The following UNC5D variants were observed in gnomAD, a reference collection of about 807,000 sequenced individuals.
UNC5D encodes unc-5 netrin receptor D.
UNC5D carries 39 observed loss-of-function variants against 105.4 expected under a neutral mutation model. The ratio of observed to expected loss-of-function variants is 0.37; its 90% CI spans 0.29 to 0.48. UNC5D has a LOEUF of 0.48. UNC5D is among the 20% of genes least tolerant of loss of function. The probability of loss-of-function intolerance (pLI) is 0.98; values close to 1 mark genes in which losing one functional copy is unlikely to be tolerated. For synonymous variants in UNC5D, 452 were observed against 450.4 expected, an observed-to-expected ratio of 1.00 and a Z score of -0.04; for missense variants, 991 against 1,202.4, an observed-to-expected ratio of 0.82 and a Z score of 2.60.
chr8:35,265,352 A>T (rs1804787199), intron 1 of UNC5D, among the ~76,000 whole-genome samples: 1 of 152,118 alleles, frequency 6.6e-6, no homozygotes, highest in Admixed American at 6.5e-5. Context: ...TCTGTAAAAA[A>T]AGATAGATAG....
intron 1 of UNC5D, among the ~76,000 whole-genome samples, chr8:35,487,369 C>G (rs1409588155): frequency 6.6e-6 from 1 of 152,088 alleles, no homozygotes; most frequent in African/African-American, 2.4e-5. Flanking sequence ...AGGACCTCAT[C>G]CAATCAGTTG....
intron 9 of UNC5D, chr8:35,724,106 G>A (rs1828730959): frequency 7.2e-7 from 1 of 1,387,844 alleles, no homozygotes; most frequent in Admixed American, 3.1e-5. Flanking sequence ...GGCAGCAGGT[G>A]AGAAGGGTGG....
At chr8:35,687,337 G>A (rs1826079163) in intron 7 of UNC5D, among the ~76,000 whole-genome samples, 1 of 151,798 alleles carries the variant, frequency 6.6e-6, no homozygotes, top group Non-Finnish European at 1.5e-5. Flanking sequence ...AGCTACTCAG[G>A]AGGCTGAGGC....
chr8:35,672,435 A>G (rs1439546143), intron 4 of UNC5D, among the ~76,000 whole-genome samples: 4 of 152,212 alleles, frequency 2.6e-5, no homozygotes, highest in African/African-American at 9.6e-5. Flanking sequence ...ATGAAAGGGC[A>G]CATCACACTA....
At chr8:35,310,395 C>T (rs1186613954) in intron 1 of UNC5D, among the ~76,000 whole-genome samples, 4 of 151,944 alleles carry the variant, frequency 2.6e-5, no homozygotes, top group Non-Finnish European at 4.4e-5. Context: ...TGAGGCAGGC[C>T]GATCACTAGA....
chr8:35,506,547 T>A (rs1326926314), intron 1 of UNC5D, among the ~76,000 whole-genome samples: 1 of 152,176 alleles, frequency 6.6e-6, no homozygotes, highest in African/African-American at 2.4e-5. Context: ...AGACAAAGAA[T>A]TTGAGGACTG....
At chr8:35,502,132 C>A (rs1470931964) in intron 1 of UNC5D, among the ~76,000 whole-genome samples, 1 of 152,128 alleles carries the variant, frequency 6.6e-6, no homozygotes, top group African/African-American at 2.4e-5. Context: ...CTCCCATAGC[C>A]AATTATAAAC....
intron 16 of UNC5D, among the ~76,000 whole-genome samples, chr8:35,787,650 C>G (rs1356081376): frequency 6.6e-6 from 1 of 152,194 alleles, no homozygotes; most frequent in African/African-American, 2.4e-5. Context: ...CAGGGTCTCA[C>G]TCTGCTGCCC....
At position 35,599,691 on chromosome 8, in the gene UNC5D, G is replaced by A. The variant is rs1819720512; in HGVS notation, c.570+4034G>A. On this transcript the variant is annotated intron_variant, in intron 4 of 16. Coordinates refer to ENST00000404895, the MANE Select transcript of UNC5D (RefSeq NM_080872.4). ...TGTTTTGTCTTTCTCTCATGATTGGGTACTAACAGGTGAAGAAAACATTCC... is the reference window on the plus strand; with the variant it reads ...TGTTTTGTCTTTCTCTCATGATTGGATACTAACAGGTGAAGAAAACATTCC... Among the ~76,000 whole-genome samples, 4 of 152,082 alleles carry A rather than the reference G, an allele frequency of 2.6e-5. No homozygotes were observed. The South Asian group carries it at 8.3e-4, about 32-fold the overall frequency.
chr8:35,489,373 CCA>C (rs752849500), intron 1 of UNC5D, among the ~76,000 whole-genome samples: 178 of 152,070 alleles, frequency 1.2e-3, no homozygotes, highest in Admixed American at 4.4e-3. Flanking sequence ...GTTCTAACAC[CCA>C]GTGTCTCAGA....
chr8:35,490,073 C>T (rs982599761), intron 1 of UNC5D, among the ~76,000 whole-genome samples: 3 of 152,222 alleles, frequency 2.0e-5, no homozygotes, highest in Admixed American at 6.5e-5. Flanking sequence ...GAAGATATTA[C>T]GTTTGTTGTA....
chr8:35,332,586 A>G (rs1288494331), intron 1 of UNC5D, among the ~76,000 whole-genome samples: 2 of 152,236 alleles, frequency 1.3e-5, no homozygotes, highest in Non-Finnish European at 2.9e-5. Flanking sequence ...TGTGGTTTTT[A>G]AAACATAAAA....
At chr8:35,477,331 A>C (rs1008313273) in intron 1 of UNC5D, among the ~76,000 whole-genome samples, 2 of 149,018 alleles carry the variant, frequency 1.3e-5, no homozygotes, top group Non-Finnish European at 3.0e-5. Context: ...ATAGTATTTT[A>C]TTTTTCTCTT....
intron 1 of UNC5D, among the ~76,000 whole-genome samples, chr8:35,436,586 G>A (rs1413328993): frequency 6.6e-6 from 1 of 152,040 alleles, no homozygotes; most frequent in Non-Finnish European, 1.5e-5. Flanking sequence ...TTGGCATTCA[G>A]TTGGGTCAGT....
At chr8:35,388,403 C>T (rs1013253143) in intron 1 of UNC5D, among the ~76,000 whole-genome samples, 1 of 151,990 alleles carries the variant, frequency 6.6e-6, no homozygotes, top group African/African-American at 2.4e-5. Context: ...GTCTCTTAAC[C>T]AATGGCCCCT....
At chr8:35,593,106 A>T (rs911910563) in intron 3 of UNC5D, among the ~76,000 whole-genome samples, 13 of 151,884 alleles carry the variant, frequency 8.6e-5, no homozygotes, top group African/African-American at 2.7e-4. Flanking sequence ...AATTATACAA[A>T]CGTGTATAAA....
At chr8:35,502,704 G>A (rs1191634675) in intron 1 of UNC5D, among the ~76,000 whole-genome samples, 3 of 151,376 alleles carry the variant, frequency 2.0e-5, no homozygotes, top group Admixed American at 6.6e-5. Flanking sequence ...GACTACAGGT[G>A]CACACCACCA....
At chr8:35,612,254 GCAGTA>G (rs1820733291) in intron 4 of UNC5D, among the ~76,000 whole-genome samples, 1 of 152,334 alleles carries the variant, frequency 6.6e-6, no homozygotes, top group African/African-American at 2.4e-5. Context: ...TTTTGTCAAT[GCAGTA>G]CAGATAAGGA....
At chr8:35,511,619 A>G (rs963877529) in intron 1 of UNC5D, among the ~76,000 whole-genome samples, 1 of 152,132 alleles carries the variant, frequency 6.6e-6, no homozygotes, top group Non-Finnish European at 1.5e-5. Flanking sequence ...AATAAGTGGT[A>G]GGAAGGATCT....
Sources: allele counts gnomAD v4.1 joint callset (sites outside exome capture counted in the v4.1 genomes callset), GRCh38; gene constraint gnomAD v4.1.1; transcripts MANE v1.5; gene names NCBI Gene and HGNC (gene_info 2026-07-23, HGNC 2026-07-21).